Variants in RAB3GAP2 observed in about 807,000 individuals in gnomAD.
RAB3GAP2 encodes the protein RAB3 GTPase activating non-catalytic protein subunit 2.
A neutral mutation model predicts 185.3 loss-of-function variants in RAB3GAP2; 87 were observed. That is an observed-to-expected ratio of 0.47 (90% CI 0.39 to 0.56). The LOEUF (loss-of-function observed/expected upper bound fraction) is 0.56. RAB3GAP2 is among the 20% of genes least tolerant of loss of function. The pLI is 0.00. For synonymous variants in RAB3GAP2, 554 were observed against 576.1 expected (o/e 0.96, Z 0.55); for missense variants, 1,492 against 1,638.2 (o/e 0.91, Z 1.54).
intron 1 of RAB3GAP2, chr1:220,266,943 C>T: frequency 6.3e-7 from 1 of 1,596,562 alleles, no homozygotes; most frequent in East Asian, 2.2e-5. Flanking sequence ...AAGGAGGCTT[C>T]CCAACTAAAA....
chr1:220,202,221 T>C (rs2102875688), intron 9 of RAB3GAP2, 55 bp downstream of exon 9: 1 of 1,564,308 alleles, frequency 6.4e-7, no homozygotes, highest in East Asian at 2.3e-5. Context: ...ATGAGATACT[T>C]CAATAAAAAG....
intron 1 of RAB3GAP2, chr1:220,254,229 G>A: frequency 2.5e-6 from 4 of 1,613,546 alleles, no homozygotes; most frequent in Non-Finnish European, 3.4e-6. Flanking sequence ...TTGTGGCAGG[G>A]ATAAAAGAAT....
intron 1 of RAB3GAP2, chr1:220,267,982 A>G: frequency 1.7e-6 from 1 of 582,362 alleles, no homozygotes; most frequent in Non-Finnish European, 3.1e-6. Flanking sequence ...TTTTAAACCA[A>G]CTGATACACC....
In RAB3GAP2 at chr1:220,190,608, A is replaced by G. The variant is rs1658597408; in HGVS notation, c.1488-88T>C. ...TTTTATTATAGCTAGGAAACCCAAC[A>G]TTATTATCAATTTAGGAGCATTAAT... On this transcript the variant is annotated intron_variant, in intron 14 of 34. Coordinates refer to ENST00000358951, the MANE Select transcript of RAB3GAP2 (RefSeq NM_012414.4). The G allele has an allele frequency of 9.7e-6, 13 of 1,345,270 alleles. No individual in the cohort carries two copies. In the South Asian group the frequency reaches 1.4e-4, roughly 15 times the overall value. The allele number at this position is 1,345,270 out of a possible 1,614,324, so 83.3% of individuals were successfully genotyped here. A position where few individuals can be genotyped will look rare whatever the true frequency, so the allele number is the denominator to read the frequency against.
In RAB3GAP2 at chr1:220,190,940, C is replaced by A. The variant is rs143112968; in HGVS notation, c.1487+128G>T. The A allele has an allele frequency of 1.7e-4, 158 of 949,474 alleles. No homozygotes were observed. In the African/African-American group the frequency reaches 2.3e-3, roughly 14 times the overall value. The allele number at this position is 949,474 out of a possible 1,614,324, so 58.8% of individuals were successfully genotyped here. A position where few individuals can be genotyped will look rare whatever the true frequency, so the allele number is the denominator to read the frequency against. ...ACATGCCAGGCACTCACAGGAAAAA[C>A]CACAATAAAGAATATTGTAATTCTC... On this transcript the variant is annotated intron_variant, in intron 14 of 34. Transcript: ENST00000358951.
At chr1:220,248,526 C>T (rs1252195496) in intron 1 of RAB3GAP2, among the ~76,000 whole-genome samples, 2 of 151,658 alleles carry the variant, frequency 1.3e-5, no homozygotes, top group Non-Finnish European at 2.9e-5. Context: ...GGAAATAGAC[C>T]TAGAGTTTGG....
At chr1:220,181,415 G>T (rs574833452) in intron 21 of RAB3GAP2, among the ~76,000 whole-genome samples, 1 of 152,266 alleles carries the variant, frequency 6.6e-6, no homozygotes, top group Admixed American at 6.5e-5. Context: ...ATGTGTAGGG[G>T]ATAGGTAATA....
intron 7 of RAB3GAP2, among the ~76,000 whole-genome samples, chr1:220,206,630 T>C (rs536058968): frequency 8.5e-5 from 13 of 152,318 alleles, no homozygotes; most frequent in Admixed American, 3.9e-4. Context: ...TGGTGAGACA[T>C]AGCAGATCAA....
intron 8 of RAB3GAP2, among the ~76,000 whole-genome samples, 169 bp from the exon 9 acceptor site, chr1:220,202,543 G>A (rs544426264): frequency 4.5e-4 from 69 of 152,246 alleles, no homozygotes; most frequent in African/African-American, 1.6e-3. Context: ...GACAATGCAC[G>A]TAAAATGCAA....
At chr1:220,172,076 A>C in intron 22 of RAB3GAP2, 27 bp from the exon 23 acceptor site, 1 of 1,612,318 alleles carries the variant, frequency 6.2e-7, no homozygotes, top group Non-Finnish European at 8.5e-7. Flanking sequence ...AAACAGAAAA[A>C]TAAACTCTTA....
chr1:220,200,908 G>A (rs1407426897), intron 9 of RAB3GAP2, among the ~76,000 whole-genome samples: 1 of 152,130 alleles, frequency 6.6e-6, no homozygotes, highest in Non-Finnish European at 1.5e-5. Context: ...AACAAACACA[G>A]AGGAGGCATT....
chr1:220,189,841 A>G (rs1320162702), intron 16 of RAB3GAP2, 74 bp from the exon 17 acceptor site: 3 of 1,242,476 alleles, frequency 2.4e-6, no homozygotes, highest in African/African-American at 1.5e-5. Flanking sequence ...AAGAAAATGA[A>G]CATATCTGTA....
chr1:220,227,967 G>C (rs1313923089), intron 2 of RAB3GAP2, among the ~76,000 whole-genome samples: 1 of 152,138 alleles, frequency 6.6e-6, no homozygotes, highest in Admixed American at 6.5e-5. Flanking sequence ...TGGCCAGACT[G>C]GTCTCGTACT....
chr1:220,248,248 A>T (rs910527706), intron 1 of RAB3GAP2, among the ~76,000 whole-genome samples: 4 of 152,188 alleles, frequency 2.6e-5, no homozygotes, highest in African/African-American at 9.6e-5. Context: ...AAAGGGTAAA[A>T]GTTTTCAGTT....
chr1:220,246,919 A>T (rs1439808162), intron 1 of RAB3GAP2, among the ~76,000 whole-genome samples: 1 of 152,064 alleles, frequency 6.6e-6, no homozygotes, highest in Non-Finnish European at 1.5e-5. Flanking sequence ...ATAAATAAAT[A>T]AAAAGAAGAA....
rs1204515551 is a variant in RAB3GAP2 at position 220,260,434 on chromosome 1, C to T, written c.115+11789G>A. Among the ~76,000 whole-genome samples the T allele has an allele frequency of 5.3e-5, 8 of 152,158 alleles. No homozygotes were observed. In the East Asian group the frequency reaches 5.8e-4, roughly 11 times the overall value. ...GCAGCCATAAAAAGAAACAAGATTA[C>T]GTCCTTTGCAGGGACATGGATGGAG... On this transcript the variant is annotated intron_variant, in intron 1 of 34. Coordinates refer to ENST00000358951, the MANE Select transcript of RAB3GAP2 (RefSeq NM_012414.4).
intron 1 of RAB3GAP2, among the ~76,000 whole-genome samples, chr1:220,238,748 C>A (rs903315441): frequency 1.3e-5 from 2 of 152,194 alleles, no homozygotes; most frequent in African/African-American, 2.4e-5. Context: ...ATGAAGTTTT[C>A]TTGCATCCAC....
Position 220,272,431 on chromosome 1 carries a change from A to G in RAB3GAP2, c.-94T>C, listed in dbSNP as rs1660355703. On this transcript the variant is annotated 5_prime_UTR_variant, in exon 1 of 35. Coordinates refer to ENST00000358951, the MANE Select transcript of RAB3GAP2 (RefSeq NM_012414.4). ...GCCGCCACCGAGCCCCAATAGCTCT[A>G]GCCAAGCAGAAGGCGGAGAAACCAA... The G allele has an allele frequency of 2.5e-6, 2 of 807,564 alleles. No homozygotes were observed. Among genetic ancestry groups the G allele is most frequent in the East Asian group, 5.5e-5 (2 of 36,608 alleles). The allele number at this position is 807,564 out of a possible 1,614,324, so 50.0% of individuals were successfully genotyped here.
At chr1:220,151,560 A>G in intron 34 of RAB3GAP2, 46 bp downstream of exon 34, 1 of 1,589,650 alleles carries the variant, frequency 6.3e-7, no homozygotes, top group Non-Finnish European at 8.6e-7. Flanking sequence ...GGCACTCAAG[A>G]AAACATCCAA....
Sources: allele counts gnomAD v4.1 joint callset (sites outside exome capture counted in the v4.1 genomes callset), GRCh38; gene constraint gnomAD v4.1.1; transcripts MANE v1.5; gene names NCBI Gene and HGNC (gene_info 2026-07-23, HGNC 2026-07-21).